The following TMEM74 variants were observed in gnomAD, a reference collection of about 807,000 sequenced individuals.
TMEM74 encodes the protein transmembrane protein 74.
Under a neutral mutation model 18.1 loss-of-function variants are expected in TMEM74, and 13 were observed. That is an observed-to-expected ratio of 0.72 (90% CI 0.47 to 1.14). TMEM74 has a LOEUF of 1.14. Among genes scored for constraint, TMEM74 ranks in the 50% most tolerant of loss-of-function variants. TMEM74 has a pLI of 0.00. For synonymous variants in TMEM74, 159 were observed against 146.6 expected, an observed-to-expected ratio of 1.08 and a Z score of -0.61; for missense variants, 372 against 375.9, an observed-to-expected ratio of 0.99 and a Z score of 0.09.
chr8:108,632,091 A>C (rs1812558305), intron 2 of TMEM74, among the ~76,000 whole-genome samples: 1 of 151,990 alleles, frequency 6.6e-6, no homozygotes, highest in South Asian at 2.1e-4. Context: ...GTTACAGAAT[A>C]ACTCAGTGAT....
intron 1 of TMEM74, among the ~76,000 whole-genome samples, chr8:108,708,606 C>T (rs1813441589): frequency 1.3e-5 from 2 of 151,946 alleles, no homozygotes; most frequent in Admixed American, 1.3e-4. Flanking sequence ...GTTTGCATTT[C>T]TCTAATGGTT....
At chr8:108,685,602 T>G (rs1375277246) in intron 1 of TMEM74, among the ~76,000 whole-genome samples, 1 of 152,158 alleles carries the variant, frequency 6.6e-6, no homozygotes, top group Non-Finnish European at 1.5e-5. Flanking sequence ...AATTAAAGTC[T>G]TGATCAAAAT....
intron 1 of TMEM74, among the ~76,000 whole-genome samples, chr8:108,715,188 A>C (rs1310317164): frequency 1.3e-5 from 2 of 152,076 alleles, no homozygotes; most frequent in Admixed American, 6.6e-5. Context: ...TTAGTGATTT[A>C]TATCATATAA....
At chr8:108,616,369 C>T (rs1273515100) in intron 2 of TMEM74, among the ~76,000 whole-genome samples, 2 of 152,092 alleles carry the variant, frequency 1.3e-5, no homozygotes, top group Non-Finnish European at 1.5e-5. Flanking sequence ...TTAAATCAGG[C>T]GGAATACAAT....
At chr8:108,627,579 C>T (rs1167728454) in intron 2 of TMEM74, among the ~76,000 whole-genome samples, 1 of 152,028 alleles carries the variant, frequency 6.6e-6, no homozygotes, top group Non-Finnish European at 1.5e-5. Flanking sequence ...CTTATTTCTG[C>T]TTCTGTACTC....
intron 2 of TMEM74, among the ~76,000 whole-genome samples, chr8:108,646,879 A>G (rs1017651663): frequency 2.0e-5 from 3 of 152,306 alleles, no homozygotes; most frequent in East Asian, 1.9e-4. Flanking sequence ...AGAACATTAC[A>G]TATTACATTG....
intron 2 of TMEM74, among the ~76,000 whole-genome samples, chr8:108,627,121 T>C (rs1812501325): frequency 6.6e-6 from 1 of 152,044 alleles, no homozygotes; most frequent in Admixed American, 6.6e-5. Flanking sequence ...GCAAATTCCA[T>C]TTTCTTTCTC....
intron 1 of TMEM74, among the ~76,000 whole-genome samples, chr8:108,704,429 C>T (rs1247265875): frequency 6.6e-6 from 1 of 152,174 alleles, no homozygotes; most frequent in African/African-American, 2.4e-5. Context: ...GTGCCTCTGT[C>T]CATGCACTTG....
chr8:108,728,825 T>C (rs1157132934), intron 1 of TMEM74, among the ~76,000 whole-genome samples: 1 of 152,210 alleles, frequency 6.6e-6, no homozygotes, highest in African/African-American at 2.4e-5. Flanking sequence ...CAAATACTTG[T>C]TGAATGAATA....
chr8:108,651,561 T>A (rs1369732878), intron 2 of TMEM74, among the ~76,000 whole-genome samples: 2 of 152,008 alleles, frequency 1.3e-5, no homozygotes, highest in African/African-American at 4.8e-5. Flanking sequence ...TTTTAAAAAA[T>A]ATCTGGAAAT....
intron 1 of TMEM74, among the ~76,000 whole-genome samples, chr8:108,711,985 A>C (rs1258207705): frequency 6.6e-6 from 1 of 152,052 alleles, no homozygotes; most frequent in Non-Finnish European, 1.5e-5. Flanking sequence ...AAGCTTGGTA[A>C]TGTAAGACTC....
At chr8:108,721,398 C>T (rs1813586009) in intron 1 of TMEM74, among the ~76,000 whole-genome samples, 1 of 152,250 alleles carries the variant, frequency 6.6e-6, no homozygotes, top group Non-Finnish European at 1.5e-5. Flanking sequence ...CCTTTCTTTG[C>T]TCTAGCGACA....
intron 1 of TMEM74, among the ~76,000 whole-genome samples, chr8:108,672,978 T>G (rs1369805449): frequency 6.6e-6 from 1 of 152,204 alleles, no homozygotes; most frequent in Non-Finnish European, 1.5e-5. Flanking sequence ...ACACAGATAG[T>G]TTTGACATGA....
intron 2 of TMEM74, among the ~76,000 whole-genome samples, chr8:108,615,008 A>G (rs1054307501): frequency 2.0e-5 from 3 of 152,240 alleles, no homozygotes; most frequent in African/African-American, 4.8e-5. Context: ...AGACCAAAGC[A>G]TACAATACTG....
chr8:108,645,950 A>G (rs1164465807), intron 2 of TMEM74, among the ~76,000 whole-genome samples: 1 of 152,116 alleles, frequency 6.6e-6, no homozygotes, highest in East Asian at 1.9e-4. Context: ...ATGAATAAGT[A>G]TTATTTCCTA....
At chr8:108,607,693 G>A (rs1328646382) in exon 4 of TMEM74, 1 of 152,090 alleles carries the variant, frequency 6.6e-6, no homozygotes, top group African/African-American at 2.4e-5. Context: ...CACTTATGAC[G>A]TTTTCAGTTT....
chr8:108,674,974 C>A (rs1440768905), intron 1 of TMEM74, among the ~76,000 whole-genome samples: 1 of 152,172 alleles, frequency 6.6e-6, no homozygotes, highest in African/African-American at 2.4e-5. Context: ...CAATCCCCAA[C>A]CCTCAGTTGT....
At chr8:108,767,533 G>A (rs1814122667) in intron 1 of TMEM74, among the ~76,000 whole-genome samples, 2 of 152,130 alleles carry the variant, frequency 1.3e-5, no homozygotes, top group Admixed American at 6.6e-5. Flanking sequence ...CTGTTGCTCA[G>A]TGTCCTTTAT....
chr8:108,718,459 T>A (rs7007267), intron 1 of TMEM74, among the ~76,000 whole-genome samples: 3 of 152,108 alleles, frequency 2.0e-5, no homozygotes, highest in African/African-American at 7.2e-5. Context: ...CCTGCAAACC[T>A]CTGTTCACAA....
Sources: gnomAD v4.1 joint callset for allele counts (sites outside exome capture counted in the v4.1 genomes callset) on GRCh38, gnomAD v4.1.1 for gene constraint, MANE v1.5 for transcripts, NCBI Gene and HGNC (gene_info 2026-07-23, HGNC 2026-07-21) for gene names.